The following SGMS1 variants were observed in gnomAD, a reference collection of about 807,000 sequenced individuals.
The protein encoded by SGMS1 is sphingomyelin synthase 1, also known as phosphatidylcholine:ceramide cholinephosphotransferase 1.
A neutral mutation model predicts 46.2 loss-of-function variants in SGMS1; 13 were observed. That is an observed-to-expected ratio of 0.28 (90% CI 0.18 to 0.45). The LOEUF (loss-of-function observed/expected upper bound fraction) is 0.45. Ranked by LOEUF, SGMS1 falls within the 20% of genes least tolerant of loss-of-function variation. The pLI is 1.00. For missense variants in SGMS1, 324 were observed against 519.9 expected (o/e 0.62, Z 3.66); for synonymous variants, 203 against 187.8 (o/e 1.08, Z -0.66).
chr10:50,623,684 T>A (rs1838880203), intron 1 of SGMS1, 23 bp downstream of exon 1: 1 of 985,222 alleles, frequency 1.0e-6, no homozygotes, highest in Non-Finnish European at 1.2e-6. Flanking sequence ...AGGCCGGCTG[T>A]CTGTCCCTGC....
chr10:50,328,909 C>T (rs1004291892), intron 7 of SGMS1, among the ~76,000 whole-genome samples: 5 of 152,186 alleles, frequency 3.3e-5, no homozygotes, highest in Admixed American at 6.5e-5. Flanking sequence ...AAAGTAAATT[C>T]TACATTGTAA....
intron 3 of SGMS1, among the ~76,000 whole-genome samples, chr10:50,480,121 T>C (rs1837462675): frequency 6.6e-6 from 1 of 152,088 alleles, no homozygotes; most frequent in Non-Finnish European, 1.5e-5. Context: ...TGAACGTCTA[T>C]AGTATACAGG....
chr10:50,539,196 C>T (rs1400009246), intron 2 of SGMS1, among the ~76,000 whole-genome samples: 5 of 152,218 alleles, frequency 3.3e-5, no homozygotes, highest in African/African-American at 1.2e-4. Flanking sequence ...CACTGCTGGA[C>T]TGAGGAGATC....
At chr10:50,484,076 A>C (rs932471349) in intron 3 of SGMS1, among the ~76,000 whole-genome samples, 1 of 152,148 alleles carries the variant, frequency 6.6e-6, no homozygotes, top group Non-Finnish European at 1.5e-5. Context: ...GATGCAAAAA[A>C]ACCCTTCAAA....
chr10:50,550,192 T>C (rs1427420453), intron 2 of SGMS1, among the ~76,000 whole-genome samples: 1 of 152,234 alleles, frequency 6.6e-6, no homozygotes, highest in Non-Finnish European at 1.5e-5. Context: ...AATCTACTTT[T>C]TTAAATTGTA....
chr10:50,478,007 A>G (rs1366898530), intron 3 of SGMS1, among the ~76,000 whole-genome samples: 1 of 152,232 alleles, frequency 6.6e-6, no homozygotes, highest in African/African-American at 2.4e-5. Context: ...ACAGATGGTA[A>G]TGAACAAATG....
intron 1 of SGMS1, among the ~76,000 whole-genome samples, chr10:50,621,050 C>T (rs1171478473): frequency 1.3e-5 from 2 of 152,036 alleles, no homozygotes; most frequent in East Asian, 1.9e-4. Flanking sequence ...GTGGTGCGTG[C>T]GTGTAGTCCC....
intron 5 of SGMS1, among the ~76,000 whole-genome samples, chr10:50,455,114 AG>A (rs1837175061): frequency 6.6e-6 from 1 of 152,136 alleles, no homozygotes; most frequent in Non-Finnish European, 1.5e-5. Context: ...GCCAGGCATG[AG>A]GTAGAGATAT....
intron 6 of SGMS1, among the ~76,000 whole-genome samples, chr10:50,375,164 AAGG>A (rs572969067): frequency 3.3e-4 from 51 of 152,256 alleles, no homozygotes; most frequent in Non-Finnish European, 5.7e-4. Context: ...TGGAGCTTGA[AAGG>A]AGAACAGGTT....
At chr10:50,599,471 C>CT (rs11483966) in intron 1 of SGMS1, among the ~76,000 whole-genome samples, 98,678 of 150,630 alleles carry the variant, frequency 0.66, 32,621 homozygotes, top group Middle Eastern at 0.68. Flanking sequence ...TGCTGGGAGC[C>CT]TTTTTTTTTA....
intron 3 of SGMS1, among the ~76,000 whole-genome samples, chr10:50,479,075 C>T (rs1837454131): frequency 8.8e-6 from 1 of 114,138 alleles, no homozygotes; most frequent in Non-Finnish European, 2.1e-5. Context: ...GTTCTTTGCT[C>T]CAGAATTTCT....
At chr10:50,418,236 A>G (rs981316638) in intron 6 of SGMS1, 4 of 152,162 alleles carry the variant, frequency 2.6e-5, no homozygotes, top group East Asian at 1.9e-4. Context: ...CCGCGCCTTG[A>G]TCGGTCCCGG....
At chr10:50,522,469 T>C (rs963570090) in intron 2 of SGMS1, among the ~76,000 whole-genome samples, 97 of 152,174 alleles carry the variant, frequency 6.4e-4, no homozygotes, top group African/African-American at 2.2e-3. Flanking sequence ...TTTATAGTCA[T>C]TGTTCATACC....
chr10:50,350,589 A>G (rs1362119446), intron 6 of SGMS1, among the ~76,000 whole-genome samples: 1 of 152,144 alleles, frequency 6.6e-6, no homozygotes, highest in African/African-American at 2.4e-5. Context: ...CTGTGTGCAG[A>G]CTAGGGACTT....
chr10:50,421,268 T>C (rs904213075), intron 6 of SGMS1, among the ~76,000 whole-genome samples: 1 of 152,194 alleles, frequency 6.6e-6, no homozygotes, highest in Non-Finnish European at 1.5e-5. Context: ...AACCCGCTGG[T>C]CCACTCCTTG....
At chr10:50,418,443 T>C (rs1311771584) in intron 6 of SGMS1, 1 of 152,448 alleles carries the variant, frequency 6.6e-6, no homozygotes, top group African/African-American at 2.4e-5. Flanking sequence ...GTTTTTGGAA[T>C]GCAGGGTGTG....
At chr10:50,458,801 C>T (rs1227241588) in intron 5 of SGMS1, among the ~76,000 whole-genome samples, 1 of 152,068 alleles carries the variant, frequency 6.6e-6, no homozygotes, top group Non-Finnish European at 1.5e-5. Flanking sequence ...TGTACATCTA[C>T]TAATTTAATG....
chr10:50,448,631 C>T (rs1351033388), intron 5 of SGMS1, among the ~76,000 whole-genome samples: 2 of 151,288 alleles, frequency 1.3e-5, no homozygotes, highest in Non-Finnish European at 2.9e-5. Flanking sequence ...GTAATCTCAG[C>T]TACTCAGGAG....
chr10:50,437,367 C>T lies in SGMS1; in HGVS notation c.-312-3811G>A, dbSNP rs1052007034. On this transcript the variant is annotated intron_variant, in intron 5 of 10. Coordinates refer to ENST00000361781, the MANE Select transcript of SGMS1 (RefSeq NM_147156.4). ...CAGCAGTATTCAGAGGCTTCTTGGC[C>T]AGTGGAAAATTCAGAAATGTTAACA... Among the ~76,000 whole-genome samples the T allele has an allele frequency of 1.5e-4, 23 of 152,166 alleles. 1 individual carries two copies. The highest frequency in any genetic ancestry group is 5.1e-4 in the African/African-American group (21 of 41,416).
Sources: gnomAD v4.1 joint callset for allele counts (sites outside exome capture counted in the v4.1 genomes callset) on GRCh38, gnomAD v4.1.1 for gene constraint, MANE v1.5 for transcripts, NCBI Gene and HGNC (gene_info 2026-07-23, HGNC 2026-07-21) for gene names.